Variants in PTGER3 observed in about 807,000 individuals in gnomAD.
PTGER3 encodes prostaglandin E receptor 3.
PTGER3 carries 22 observed loss-of-function variants against 34.7 expected under a neutral mutation model. That is an observed-to-expected ratio of 0.63 (90% confidence interval 0.45 to 0.91). The LOEUF is 0.91. Ranked by LOEUF, PTGER3 falls within the 40% of genes least tolerant of loss-of-function variation. PTGER3 has a pLI of 0.00. For synonymous variants in PTGER3, 241 were observed against 230.1 expected (o/e 1.05, Z -0.43); for missense variants, 468 against 519.4 (o/e 0.90, Z 0.96).
intron 2 of PTGER3, chr1:71,009,177 G>T (rs577668087): frequency 1.0e-6 from 1 of 985,154 alleles, no homozygotes; most frequent in African/African-American, 1.7e-5. Context: ...GCCACAGAGT[G>T]ACCCCCTTAT....
rs185509786 is a variant in PTGER3, at chr1:71,006,226, C to T, written c.1077+6079G>A. 18 of 985,326 alleles carry T rather than the reference C, an allele frequency of 1.8e-5. No homozygotes were observed. In the African/African-American group the frequency reaches 2.4e-4, roughly 13 times the overall value. 61.0% of individuals were successfully genotyped at this position (985,326 alleles called of 1,614,324 possible). A position where few individuals can be genotyped will look rare whatever the true frequency, so the allele number is the denominator to read the frequency against. On this transcript the variant is annotated intron_variant, in intron 2 of 3. Coordinates refer to ENST00000306666, the MANE Select transcript of PTGER3 (RefSeq NM_198719.2). ...TAAGATCTGGTCCTAGGCCTAGAAC[C>T]CCCACATGGGAGGAACCAGGGACAG...
chr1:70,886,952 A>G (rs1646511428), intron 4 of PTGER3, among the ~76,000 whole-genome samples: 2 of 152,206 alleles, frequency 1.3e-5, no homozygotes, highest in Non-Finnish European at 2.9e-5. Context: ...ATAAGTTAAC[A>G]CTAGAGACAG....
chr1:70,910,183 G>T (rs1647032028), intron 4 of PTGER3, among the ~76,000 whole-genome samples: 1 of 152,082 alleles, frequency 6.6e-6, no homozygotes, highest in Non-Finnish European at 1.5e-5. Flanking sequence ...GAAAATGAAG[G>T]TCTACAGTTT....
rs142558816 is a variant in PTGER3, at chr1:70,915,259, T to C, written c.*23+38504A>G. Reference sequence around the variant, plus strand: ...AATCAATGTCCCCCTCACTAGGCTATGAATTCTGAGGAGAGTTGTCTTATA... The same window carrying C: ...AATCAATGTCCCCCTCACTAGGCTACGAATTCTGAGGAGAGTTGTCTTATA... On this transcript the variant is annotated intron_variant, in intron 4 of 4. Coordinates refer to the PTGER3 transcript ENST00000370931. Among the ~76,000 whole-genome samples the C allele has an allele frequency of 1.8e-4, 27 of 152,038 alleles. 1 individual carries two copies. The East Asian group carries it at 5.2e-3, about 29-fold the overall frequency.
intron 2 of PTGER3, among the ~76,000 whole-genome samples, chr1:71,000,956 C>T (rs2100812412): frequency 6.6e-6 from 1 of 152,074 alleles, no homozygotes; most frequent in Admixed American, 6.5e-5. Context: ...AATAGAAAAT[C>T]AGCATATAAT....
chr1:71,009,965 C>T, intron 2 of PTGER3: 1 of 985,180 alleles, frequency 1.0e-6, no homozygotes, highest in Non-Finnish European at 1.2e-6. Flanking sequence ...TTTCCCCATA[C>T]TAACGAATGC....
At chr1:71,010,693 A>G in intron 2 of PTGER3, 2 of 983,852 alleles carry the variant, frequency 2.0e-6, no homozygotes, top group Non-Finnish European at 2.4e-6. Context: ...AGATTTTAGT[A>G]TAGTCTATTT....
intron 4 of PTGER3, among the ~76,000 whole-genome samples, chr1:70,946,585 G>C (rs552330933): frequency 5.9e-5 from 9 of 152,268 alleles, no homozygotes; most frequent in Non-Finnish European, 1.0e-4. Flanking sequence ...CATATAGTAA[G>C]CCAGTCTGCA....
At chr1:70,900,949 G>C (rs1236373901) in intron 4 of PTGER3, among the ~76,000 whole-genome samples, 2 of 152,160 alleles carry the variant, frequency 1.3e-5, no homozygotes, top group Non-Finnish European at 2.9e-5. Flanking sequence ...AAACAGATAG[G>C]AGTGTCTTAG....
At chr1:70,897,363 G>A (rs1646743682) in intron 4 of PTGER3, among the ~76,000 whole-genome samples, 1 of 152,134 alleles carries the variant, frequency 6.6e-6, no homozygotes, top group South Asian at 2.1e-4. Flanking sequence ...GGAGTTCTAA[G>A]GATATCAATC....
chr1:70,889,012 G>A (rs987368549), intron 4 of PTGER3, among the ~76,000 whole-genome samples: 1 of 152,108 alleles, frequency 6.6e-6, no homozygotes, highest in African/African-American at 2.4e-5. Flanking sequence ...GAATTTATGT[G>A]GTGTTAAATA....
intron 4 of PTGER3, among the ~76,000 whole-genome samples, chr1:70,860,483 T>C (rs527600511): frequency 3.7e-4 from 56 of 152,264 alleles, no homozygotes; most frequent in African/African-American, 1.3e-3. Flanking sequence ...AATAATTATC[T>C]TACTTGTTTG....
intron 4 of PTGER3, among the ~76,000 whole-genome samples, chr1:70,931,539 T>G (rs1021935854): frequency 4.6e-5 from 7 of 152,210 alleles, no homozygotes; most frequent in Non-Finnish European, 8.8e-5. Context: ...TTTCTATGTA[T>G]CCTCTGAAAT....
intron 2 of PTGER3, chr1:71,011,988 G>T: frequency 1.5e-6 from 2 of 1,351,528 alleles, no homozygotes. Flanking sequence ...GCTACGAATG[G>T]CAGACTCAAC....
intron 2 of PTGER3, among the ~76,000 whole-genome samples, chr1:70,958,005 A>G (rs1287580581): frequency 3.3e-5 from 5 of 152,106 alleles, no homozygotes; most frequent in Admixed American, 6.6e-5. Flanking sequence ...TTCAACTGAC[A>G]TGATTTCATT....
rs1431744728 is a variant in PTGER3, at chr1:70,971,531, A to G, written c.*199T>C. ...ATTCAAAATCCCATCCAAGAAACCA[A>G]TCTAATATTCAGAGGCATGGATTAT... On this transcript the variant is annotated 3_prime_UTR_variant, in exon 4 of 4. Coordinates refer to ENST00000306666, the MANE Select transcript of PTGER3 (RefSeq NM_198719.2). The G allele has an allele frequency of 3.3e-6, 4 of 1,227,208 alleles. No homozygotes were observed. Among genetic ancestry groups the G allele is most frequent in the South Asian group, 3.9e-5 (1 of 25,444 alleles). 76.0% of individuals were successfully genotyped at this position (1,227,208 alleles called of 1,614,324 possible). A position where few individuals can be genotyped will look rare whatever the true frequency, so the allele number is the denominator to read the frequency against.
At chr1:71,010,272 C>A in intron 2 of PTGER3, 1 of 984,236 alleles carries the variant, frequency 1.0e-6, no homozygotes, top group Non-Finnish European at 1.2e-6. Context: ...TGACACTACA[C>A]CCTTGAAGAT....
At chr1:70,919,406 TGAGCTGAGAG>T (rs1159290508) in intron 4 of PTGER3, among the ~76,000 whole-genome samples, 2 of 152,176 alleles carry the variant, frequency 1.3e-5, no homozygotes, top group Non-Finnish European at 2.9e-5. Context: ...TCCTTTCCAG[TGAGCTGAGAG>T]GAGCTGAGAA....
intron 1 of PTGER3, among the ~76,000 whole-genome samples, chr1:71,040,758 C>T (rs1018620392): frequency 1.3e-5 from 2 of 152,056 alleles, no homozygotes; most frequent in Admixed American, 6.5e-5. Context: ...GACAATAAAC[C>T]AATGTCTCCA....
Sources: gnomAD v4.1 joint callset for allele counts (sites outside exome capture counted in the v4.1 genomes callset) on GRCh38, gnomAD v4.1.1 for gene constraint, MANE v1.5 for transcripts, NCBI Gene and HGNC (gene_info 2026-07-23, HGNC 2026-07-21) for gene names.